The following GRXCR1 variants were observed in gnomAD, a reference collection of about 807,000 sequenced individuals.
GRXCR1 encodes the protein glutaredoxin domain-containing cysteine-rich protein 1.
In GRXCR1, 27 loss-of-function variants were observed where a neutral mutation model predicts 27.3. The ratio of observed to expected loss-of-function variants is 0.99; its 90% CI spans 0.73 to 1.37. GRXCR1 has a LOEUF of 1.37. GRXCR1 is among the 40% of genes most tolerant of loss of function. The probability of loss-of-function intolerance (pLI) is 0.00; values close to 1 mark genes in which losing one functional copy is unlikely to be tolerated. For synonymous variants in GRXCR1, 122 were observed against 131.1 expected (o/e 0.93, Z 0.47); for missense variants, 379 against 354.4 (o/e 1.07, Z -0.56).
chr4:43,014,054 CA>C (rs3047831), intron 2 of GRXCR1, among the ~76,000 whole-genome samples: 65,049 of 123,588 alleles, frequency 0.53, 14,450 homozygotes, highest in East Asian at 0.61. Context: ...TACATAATTG[CA>C]AAAAAAAAAA....
chr4:43,001,344 G>A (rs1712350782), intron 2 of GRXCR1, among the ~76,000 whole-genome samples: 1 of 152,114 alleles, frequency 6.6e-6, no homozygotes, highest in African/African-American at 2.4e-5. Context: ...TCGTGCCTCA[G>A]TAGATAATTG....
At chr4:42,990,210 G>C (rs1219591095) in intron 2 of GRXCR1, among the ~76,000 whole-genome samples, 2 of 24,394 alleles carry the variant, frequency 8.2e-5, no homozygotes, top group Non-Finnish European at 1.5e-4. Context: ...TTTTTTTTTT[G>C]AGACGGAGTC....
Position 42,995,633 on chromosome 4 carries a change from T to G in GRXCR1, c.628-24721T>G, listed in dbSNP as rs554913305. Among the ~76,000 whole-genome samples, 12 of 152,304 alleles carry G rather than the reference T, an allele frequency of 7.9e-5. No individual in the cohort carries two copies. The South Asian group carries it at 2.5e-3, about 32-fold the overall frequency. ...AGAAAAGCCACACGTGGTGCAAATCTTATTAAAATGCCAACACATTTGCTG... is the reference window on the plus strand; with the variant it reads ...AGAAAAGCCACACGTGGTGCAAATCGTATTAAAATGCCAACACATTTGCTG... On this transcript the variant is annotated intron_variant, in intron 2 of 3. Coordinates refer to ENST00000399770, the MANE Select transcript of GRXCR1 (RefSeq NM_001080476.3).
chr4:42,910,816 G>C (rs372719686), intron 1 of GRXCR1, among the ~76,000 whole-genome samples: 1 of 152,038 alleles, frequency 6.6e-6, no homozygotes, highest in East Asian at 1.9e-4. Context: ...ATTTTATATT[G>C]TCTGATTCTT....
At chr4:43,009,389 C>G (rs1379112422) in intron 2 of GRXCR1, among the ~76,000 whole-genome samples, 1 of 152,128 alleles carries the variant, frequency 6.6e-6, no homozygotes, top group Non-Finnish European at 1.5e-5. Context: ...TTCATGCTGT[C>G]CTCCAACTCT....
At chr4:42,947,310 G>C (rs1281561147) in intron 1 of GRXCR1, among the ~76,000 whole-genome samples, 4 of 151,940 alleles carry the variant, frequency 2.6e-5, no homozygotes, top group Non-Finnish European at 4.4e-5. Flanking sequence ...GACATGTCAG[G>C]GAAAACTTAG....
chr4:42,927,202 A>G (rs987252628), intron 1 of GRXCR1, among the ~76,000 whole-genome samples: 1 of 151,998 alleles, frequency 6.6e-6, no homozygotes, highest in Admixed American at 6.6e-5. Flanking sequence ...GTAGTTTTGC[A>G]TGAAATACAT....
chr4:43,012,077 C>T (rs1334923280), intron 2 of GRXCR1, among the ~76,000 whole-genome samples: 1 of 152,102 alleles, frequency 6.6e-6, no homozygotes, highest in Non-Finnish European at 1.5e-5. Context: ...AAATATTTTT[C>T]CTGCTGAGTG....
At chr4:42,994,553 C>T (rs1236807648) in intron 2 of GRXCR1, among the ~76,000 whole-genome samples, 1 of 152,158 alleles carries the variant, frequency 6.6e-6, no homozygotes, top group Non-Finnish European at 1.5e-5. Context: ...TTATTGAGTT[C>T]TTCCAATGGA....
At chr4:42,919,120 G>A (rs1478892248) in intron 1 of GRXCR1, among the ~76,000 whole-genome samples, 1 of 152,112 alleles carries the variant, frequency 6.6e-6, no homozygotes. Flanking sequence ...TATACAGAAT[G>A]GGGATTAGTG....
chr4:42,935,963 A>G (rs1747449238), intron 1 of GRXCR1, among the ~76,000 whole-genome samples: 1 of 151,234 alleles, frequency 6.6e-6, no homozygotes, highest in Non-Finnish European at 1.5e-5. Flanking sequence ...TCATTAAAGA[A>G]CTCCCATCCT....
At chr4:42,947,192 C>T (rs779443182) in intron 1 of GRXCR1, among the ~76,000 whole-genome samples, 2 of 151,948 alleles carry the variant, frequency 1.3e-5, no homozygotes, top group Non-Finnish European at 2.9e-5. Flanking sequence ...AAATTTTGGA[C>T]GAGGTCATCA....
chr4:42,930,477 CTG>C (rs1414865435), intron 1 of GRXCR1, among the ~76,000 whole-genome samples: 1 of 151,954 alleles, frequency 6.6e-6, no homozygotes, highest in Non-Finnish European at 1.5e-5. Flanking sequence ...TTCAAAATCT[CTG>C]TGTTTCCTAT....
At chr4:42,956,907 C>T (rs990099913) in intron 1 of GRXCR1, among the ~76,000 whole-genome samples, 1 of 152,086 alleles carries the variant, frequency 6.6e-6, no homozygotes, top group African/African-American at 2.4e-5. Flanking sequence ...TTAGGGGTTT[C>T]TCGTTGCTGT....
intron 2 of GRXCR1, among the ~76,000 whole-genome samples, chr4:43,014,504 C>G (rs1278713416): frequency 6.6e-6 from 1 of 152,128 alleles, no homozygotes; most frequent in Admixed American, 6.5e-5. Flanking sequence ...CAGAAGGATC[C>G]TTTATCAGCC....
intron 1 of GRXCR1, among the ~76,000 whole-genome samples, chr4:42,900,617 G>C (rs1286851758): frequency 6.6e-6 from 1 of 152,144 alleles, no homozygotes; most frequent in South Asian, 2.1e-4. Context: ...TGAAAACCAA[G>C]GTGTTGATTT....
At chr4:42,923,343 G>A (rs1382981201) in intron 1 of GRXCR1, among the ~76,000 whole-genome samples, 1 of 152,068 alleles carries the variant, frequency 6.6e-6, no homozygotes, top group African/African-American at 2.4e-5. Context: ...CAATTATTAG[G>A]TACCTTATGT....
intron 2 of GRXCR1, among the ~76,000 whole-genome samples, chr4:42,983,101 T>A (rs1560674789): frequency 6.6e-6 from 1 of 150,504 alleles, no homozygotes; most frequent in Non-Finnish European, 1.5e-5. Context: ...TGCCATTGCT[T>A]TTGGTGTTTT....
intron 1 of GRXCR1, among the ~76,000 whole-genome samples, chr4:42,921,803 G>C (rs1318415307): frequency 6.6e-6 from 1 of 151,956 alleles, no homozygotes; most frequent in Non-Finnish European, 1.5e-5. Context: ...CTCTATTGCT[G>C]ACTTGACTTA....
Sources: allele counts gnomAD v4.1 joint callset (sites outside exome capture counted in the v4.1 genomes callset), GRCh38; gene constraint gnomAD v4.1.1; transcripts MANE v1.5; gene names NCBI Gene and HGNC (gene_info 2026-07-23, HGNC 2026-07-21).